Variants in TCF20 observed in about 807,000 individuals in gnomAD.
TCF20 encodes the protein SPRE-binding protein.
A neutral mutation model predicts 148.6 loss-of-function variants in TCF20; 3 were observed. The ratio of observed to expected loss-of-function variants is 0.02; its 90% confidence interval spans 0.01 to 0.05. The LOEUF (loss-of-function observed/expected upper bound fraction) is 0.05. Ranked by LOEUF, TCF20 falls within the 10% of genes least tolerant of loss-of-function variation. The pLI, the probability that TCF20 is intolerant of heterozygous loss-of-function variation, is 1.00. For missense variants in TCF20, 2,350 were observed against 2,429.3 expected (o/e 0.97, Z 0.69); for synonymous variants, 1,049 against 909.5 (o/e 1.15, Z -2.76).
At chr22:42,175,007 T>C (rs539943100) in intron 3 of TCF20, among the ~76,000 whole-genome samples, 100 of 149,620 alleles carry the variant, frequency 6.7e-4, no homozygotes, top group African/African-American at 2.2e-3. Flanking sequence ...TGCACTCCAG[T>C]CGGGGCAACA....
Position 42,214,549 on chromosome 22 carries a change from A to G in TCF20, c.757T>C (p.Phe253Leu). ...SSSSFPSPQR[F>L]SQSGQSYDGS... Reference sequence around the variant, plus strand: ...TCATAGCTCTGTCCAGACTGGCTAAAACGCTGTGGTGAAGGGAAGGAGGAG... The same window carrying G: ...TCATAGCTCTGTCCAGACTGGCTAAGACGCTGTGGTGAAGGGAAGGAGGAG... Residue 253 changes from phenylalanine to leucine, a missense_variant, in exon 2 of 6, where the codon TTT (phenylalanine) becomes CTT (leucine). By Grantham distance (22) the Phe-to-Leu change is conservative. This residue lies in a region of TCF20 where 1,641 missense variants were observed against 1,662.6 expected (regional missense o/e 0.99). Transcript: ENST00000677622. 6.2e-7 allele frequency: 1 copy of G among 1,614,170 alleles called. No homozygotes were observed. Among genetic ancestry groups the G allele is most frequent in the South Asian group, 1.1e-5 (1 of 91,084 alleles).
chr22:42,196,148 G>C (rs1204241081), intron 2 of TCF20, among the ~76,000 whole-genome samples: 1 of 152,204 alleles, frequency 6.6e-6, no homozygotes, highest in Non-Finnish European at 1.5e-5. Context: ...TCAGAGGTCT[G>C]TCCTACCCTC....
Position 42,299,997 on chromosome 22 carries a change from C to G in TCF20, c.-37+43482G>C, listed in dbSNP as rs1273571382. On this transcript the variant is annotated intron_variant, in intron 1 of 1. Coordinates refer to the TCF20 transcript ENST00000515426. The surrounding 1 kb of genome is among the most constrained non-coding windows in gnomAD (Gnocchi z 4.1). ...AGGGGGAGGGGCGCGCTGAAATCAC[C>G]CGCAACATCAAAGCCTTCCCCAGCC... Among the ~76,000 whole-genome samples, 1 of 151,454 alleles carries G rather than the reference C, an allele frequency of 6.6e-6. No homozygotes were observed. Among genetic ancestry groups the G allele is most frequent in the Non-Finnish European group, 1.5e-5 (1 of 67,874 alleles).
intron 3 of TCF20, among the ~76,000 whole-genome samples, chr22:42,177,694 T>C (rs1301943360): frequency 1.3e-5 from 2 of 152,336 alleles, no homozygotes; most frequent in Non-Finnish European, 1.5e-5. Context: ...ATTGTATGTA[T>C]ACAACGTACT....
intron 5 of TCF20, among the ~76,000 whole-genome samples, chr22:42,166,739 T>C (rs1935812412): frequency 6.6e-6 from 1 of 152,204 alleles, no homozygotes; most frequent in Non-Finnish European, 1.5e-5. Flanking sequence ...AACTTTCTTT[T>C]TCTCAAACAC....
chr22:42,230,977 G>C (rs1023447985), intron 1 of TCF20, among the ~76,000 whole-genome samples: 1 of 151,628 alleles, frequency 6.6e-6, no homozygotes, highest in Non-Finnish European at 1.5e-5. Flanking sequence ...TGGCCAACAC[G>C]GTGAAACCCC....
chr22:42,329,996 C>T (rs1601709167), intron 1 of TCF20, among the ~76,000 whole-genome samples: 1 of 152,212 alleles, frequency 6.6e-6, no homozygotes, highest in Admixed American at 6.5e-5. Flanking sequence ...CAGAGGCCCT[C>T]GGCTGCCTGT....
chr22:42,311,108 CA>C (rs928384993), intron 1 of TCF20, among the ~76,000 whole-genome samples: 7 of 152,228 alleles, frequency 4.6e-5, no homozygotes, highest in Admixed American at 6.5e-5. Flanking sequence ...AATCGGGGGA[CA>C]GGGGGGTGGC....
At chr22:42,244,863 T>G (rs1448466375) in intron 1 of TCF20, among the ~76,000 whole-genome samples, 1 of 152,078 alleles carries the variant, frequency 6.6e-6, no homozygotes, top group Non-Finnish European at 1.5e-5. Context: ...GAGGATCACT[T>G]GAGTTCAGGA....
In TCF20 at chr22:42,166,280, G is replaced by A. The variant is rs750555735; in HGVS notation, c.*44+2329C>T. Among the ~76,000 whole-genome samples, 23 of 152,306 alleles carry A rather than the reference G, an allele frequency of 1.5e-4. No homozygotes were observed. In the Middle Eastern group the frequency reaches 0.01, roughly 68 times the overall value. ...CAATGGGTGAGGCCACTTCATCACT[G>A]TGCTTCAACCCAGAAGGATGAAGCT... On this transcript the variant is annotated intron_variant, in intron 5 of 5. Coordinates refer to ENST00000677622, the MANE Select transcript of TCF20 (RefSeq NM_001378418.1).
At chr22:42,339,319 A>C (rs567856582) in intron 1 of TCF20, among the ~76,000 whole-genome samples, 1 of 152,368 alleles carries the variant, frequency 6.6e-6, no homozygotes, top group South Asian at 2.1e-4. Context: ...AAGGCCACAC[A>C]GCTGGACAGA....
intron 3 of TCF20, among the ~76,000 whole-genome samples, chr22:42,177,395 A>G (rs1011283968): frequency 1.3e-5 from 2 of 152,244 alleles, no homozygotes; most frequent in African/African-American, 2.4e-5. Context: ...AGCCTGGGCG[A>G]TAAGAGCGAA....
chr22:42,269,192 G>A (rs920875231), intron 1 of TCF20, among the ~76,000 whole-genome samples: 3 of 152,098 alleles, frequency 2.0e-5, no homozygotes, highest in Non-Finnish European at 4.4e-5. Flanking sequence ...CTTCACTGAG[G>A]CTGTTAACAT....
chr22:42,328,150 C>T (rs1256758587), intron 1 of TCF20, among the ~76,000 whole-genome samples: 1 of 152,156 alleles, frequency 6.6e-6, no homozygotes, highest in African/African-American at 2.4e-5. Flanking sequence ...TCCACCCACC[C>T]TCCCAGGCTC....
intron 1 of TCF20, among the ~76,000 whole-genome samples, chr22:42,314,250 C>T (rs1292418755): frequency 2.6e-5 from 4 of 152,264 alleles, no homozygotes; most frequent in Non-Finnish European, 4.4e-5. Context: ...GAATCCGTCT[C>T]TTCCGGATGT....
chr22:42,228,959 T>A (rs530748567), intron 1 of TCF20, among the ~76,000 whole-genome samples: 3 of 152,310 alleles, frequency 2.0e-5, no homozygotes, highest in African/African-American at 7.2e-5. Flanking sequence ...TTCTGTTGTG[T>A]CTGTGTGCAC....
At position 42,212,353 on chromosome 22, in the gene TCF20, G is replaced by T; in HGVS notation, c.2953C>A (p.Pro985Thr). Residue 985 changes from proline (P) to threonine (T), a missense_variant, in exon 2 of 6, where the codon CCC becomes ACC. By Grantham distance (38) the Pro-to-Thr change is conservative (BLOSUM62 -1). This residue lies in a region of TCF20 where 1,641 missense variants were observed against 1,662.6 expected (regional missense o/e 0.99). Coordinates refer to ENST00000677622, the MANE Select transcript of TCF20 (RefSeq NM_001378418.1). ...LSDYGPQDSRPTPMRRVPGRV... is the reference protein window; with the variant it reads ...LSDYGPQDSRTTPMRRVPGRV... ...CCAGGGACCCGCCGCATTGGCGTGG[G>T]TCTGCTGTCTTGCGGGCCATAGTCT... 6.2e-7 allele frequency: 1 copy of T among 1,614,220 alleles called. No individual in the cohort carries two copies. Among genetic ancestry groups the T allele is most frequent in the Admixed American group, 1.7e-5 (1 of 60,030 alleles).
At position 42,213,357 on chromosome 22, in the gene TCF20, G is replaced by A. The variant is rs1336048597; in HGVS notation, c.1949C>T (p.Ala650Val). ...TGGAGGCTCTGGCTGGGGAAGTGATGCATGACTGGTTTCCTTTGCCCCACC... is the reference window on the plus strand; with the variant it reads ...TGGAGGCTCTGGCTGGGGAAGTGATACATGACTGGTTTCCTTTGCCCCACC... ...SNGGAKETSH[A>V]SLPQPEPPGG... Residue 650 changes from alanine (A) to valine (V), a missense_variant, in exon 2 of 6, where the codon GCA (alanine) becomes GTA (valine). Coordinates refer to ENST00000677622, the MANE Select transcript of TCF20 (RefSeq NM_001378418.1). The A allele has an allele frequency of 6.2e-7, 1 of 1,614,158 alleles. No homozygotes were observed. Among genetic ancestry groups the A allele is most frequent in the Non-Finnish European group, 8.5e-7 (1 of 1,180,040 alleles).
At chr22:42,323,626 G>T (rs1401581621) in intron 1 of TCF20, among the ~76,000 whole-genome samples, 1 of 151,858 alleles carries the variant, frequency 6.6e-6, no homozygotes, top group African/African-American at 2.4e-5. Context: ...GCACATAGGA[G>T]GGAGGAGAAG....
Sources: gnomAD v4.1 joint callset for allele counts (sites outside exome capture counted in the v4.1 genomes callset) on GRCh38, gnomAD v4.1.1 for gene constraint, gnomAD v4.1.1 regional missense constraint, Gnocchi (gnomAD v3.1) non-coding constraint, MANE v1.5 for transcripts, NCBI Gene and HGNC (gene_info 2026-07-23, HGNC 2026-07-21) for gene names.